CWF19L2: variants seen among roughly 807,000 people sequenced by gnomAD.
The protein encoded by CWF19L2 is CWF19-like protein 2.
Under a neutral mutation model 111.7 loss-of-function variants are expected in CWF19L2, and 98 were observed. The observed-to-expected ratio is 0.88, with a 90% CI of 0.75 to 1.04. The LOEUF is 1.04. Ranked by LOEUF, CWF19L2 falls within the 50% of genes least tolerant of loss-of-function variation. CWF19L2 has a pLI of 0.00. For missense variants in CWF19L2, 1,101 were observed against 1,051.4 expected (o/e 1.05, Z -0.65); for synonymous variants, 351 against 342.9 (o/e 1.02, Z -0.26).
At chr11:107,329,885 A>G in intron 17 of CWF19L2, 33 bp downstream of exon 17, 1 of 1,455,726 alleles carries the variant, frequency 6.9e-7, no homozygotes, top group Non-Finnish European at 9.3e-7. Context: ...CCAAATTGCT[A>G]ACTCTGGGAT....
intron 10 of CWF19L2, among the ~76,000 whole-genome samples, chr11:107,401,474 C>T (rs537096929): frequency 5.3e-5 from 8 of 151,742 alleles, no homozygotes; most frequent in African/African-American, 1.5e-4. Context: ...ACAATAGCTG[C>T]AAAAATAAAA....
At chr11:107,362,989 G>A (rs547388698) in intron 12 of CWF19L2, among the ~76,000 whole-genome samples, 1 of 152,154 alleles carries the variant, frequency 6.6e-6, no homozygotes, top group Admixed American at 6.5e-5. Flanking sequence ...GGAGCTGATG[G>A]AGCTGAAAAC....
chr11:107,454,927 T>C (rs893691327), intron 2 of CWF19L2, among the ~76,000 whole-genome samples: 1 of 152,058 alleles, frequency 6.6e-6, no homozygotes, highest in South Asian at 2.1e-4. Flanking sequence ...AATATCCCTC[T>C]ATGGTCTCCC....
At chr11:107,371,278 C>T (rs978972896) in intron 12 of CWF19L2, among the ~76,000 whole-genome samples, 1 of 137,568 alleles carries the variant, frequency 7.3e-6, no homozygotes, top group Non-Finnish European at 1.6e-5. Flanking sequence ...GCTGGGATTA[C>T]AGGCGTGAGC....
At chr11:107,431,138 C>T (rs1345294351) in intron 7 of CWF19L2, among the ~76,000 whole-genome samples, 2 of 151,930 alleles carry the variant, frequency 1.3e-5, no homozygotes, top group Non-Finnish European at 2.9e-5. Flanking sequence ...GCAATACCAG[C>T]TTCCAATCCT....
At chr11:107,405,098 T>C (rs2135388298) in intron 10 of CWF19L2, among the ~76,000 whole-genome samples, 1 of 152,356 alleles carries the variant, frequency 6.6e-6, no homozygotes, top group Middle Eastern at 3.4e-3. Flanking sequence ...GTCTTTATAT[T>C]GTTAAATGGC....
rs759943655 is a variant in CWF19L2, at chr11:107,428,925, G to A, written c.1307C>T (p.Ser436Leu). 52 of 1,613,466 alleles carry A rather than the reference G, an allele frequency of 3.2e-5. No homozygotes were observed. The highest frequency in any genetic ancestry group is 3.3e-4 in the Middle Eastern group (2 of 6,084). The change falls in exon 8 of 18, where the codon TCG becomes TTG. Residue 436 changes from serine to leucine, a missense_variant. By Grantham distance (145) the Ser-to-Leu change is moderately radical. Coordinates refer to ENST00000282251, the MANE Select transcript of CWF19L2 (RefSeq NM_152434.3). Reference sequence around the variant, plus strand: ...TTGGTGTTCATCAGTACTGGTTTCCGATGGCTTTTGATTTGAATGTTTCTT... The same window carrying A: ...TTGGTGTTCATCAGTACTGGTTTCCAATGGCTTTTGATTTGAATGTTTCTT... ...GDKKHSNQKP[S>L]ETSTDEHQHV...
intron 13 of CWF19L2, among the ~76,000 whole-genome samples, chr11:107,349,826 T>C (rs990131637): frequency 6.6e-6 from 1 of 151,996 alleles, no homozygotes; most frequent in Non-Finnish European, 1.5e-5. Context: ...GATATCTACC[T>C]AAAATTACAG....
chr11:107,344,805 G>A (rs1860054212), intron 14 of CWF19L2, among the ~76,000 whole-genome samples: 1 of 152,130 alleles, frequency 6.6e-6, no homozygotes, highest in Admixed American at 6.5e-5. Flanking sequence ...TAAGAGACTG[G>A]ATCTTGTTTA....
At chr11:107,434,090 TAGG>T (rs973393779) in intron 6 of CWF19L2, among the ~76,000 whole-genome samples, 40 of 151,488 alleles carry the variant, frequency 2.6e-4, no homozygotes, top group African/African-American at 9.4e-4. Context: ...CTCTAGAAAG[TAGG>T]AGGTCAGGGA....
chr11:107,431,386 T>TATGCATAATAACTGCAC (rs1861463712), intron 7 of CWF19L2, among the ~76,000 whole-genome samples: 1 of 151,978 alleles, frequency 6.6e-6, no homozygotes, highest in Admixed American at 6.6e-5. Flanking sequence ...CTCAATGGCA[T>TATGCATAATAACTGCAC]ATGCATAATA....
chr11:107,434,054 C>T (rs1208398667), intron 6 of CWF19L2, among the ~76,000 whole-genome samples: 2 of 150,778 alleles, frequency 1.3e-5, no homozygotes, highest in African/African-American at 2.4e-5. Flanking sequence ...AATAATGTGA[C>T]CGCTACTATA....
At chr11:107,405,557 C>CA (rs551948433) in intron 10 of CWF19L2, among the ~76,000 whole-genome samples, 1,899 of 91,338 alleles carry the variant, frequency 0.021, 15 homozygotes, top group Non-Finnish European at 0.029. Flanking sequence ...GATGAACTAA[C>CA]AAAAAAAACA....
intron 6 of CWF19L2, among the ~76,000 whole-genome samples, chr11:107,436,742 C>G (rs1312584416): frequency 1.3e-5 from 2 of 152,112 alleles, no homozygotes; most frequent in African/African-American, 4.8e-5. Context: ...TAAAAATAGT[C>G]TTCCACTAAA....
chr11:107,397,756 C>A (rs773570911), intron 10 of CWF19L2, among the ~76,000 whole-genome samples: 1 of 152,176 alleles, frequency 6.6e-6, no homozygotes, highest in Non-Finnish European at 1.5e-5. Flanking sequence ...AGAACCCTCA[C>A]GGAGTTCACT....
At chr11:107,375,509 T>A (rs1450147154) in intron 12 of CWF19L2, among the ~76,000 whole-genome samples, 2 of 137,948 alleles carry the variant, frequency 1.4e-5, no homozygotes, top group Non-Finnish European at 3.1e-5. Context: ...AACAACCTGC[T>A]CCTGAATGAC....
intron 10 of CWF19L2, among the ~76,000 whole-genome samples, chr11:107,402,873 G>GTGTGTATGTATATATA (rs1247886311): frequency 1.1e-5 from 1 of 94,462 alleles, no homozygotes; most frequent in Admixed American, 1.2e-4. Context: ...ACTGTGGTGT[G>GTGTGTATGTATATATA]TATATATATA....
Position 107,373,996 on chromosome 11 carries a change from G to A in CWF19L2, c.1872+16078C>T, listed in dbSNP as rs1231023172. On this transcript the variant is annotated intron_variant, in intron 12 of 17. Coordinates refer to ENST00000282251, the MANE Select transcript of CWF19L2 (RefSeq NM_152434.3). ...ATGCAGAAGCCTCAGGAGCTGATGC[G>A]ATCAACTGGAAGAAAGGGTATCAGC... is the stretch of plus-strand genomic sequence containing the variant. Among the ~76,000 whole-genome samples the A allele has an allele frequency of 2.9e-5, 4 of 135,792 alleles. 1 individual carries two copies. Among genetic ancestry groups the A allele is most frequent in the Admixed American group, 1.4e-4 (2 of 13,976 alleles). 89.1% of individuals were successfully genotyped at this position (135,792 alleles called of 152,430 possible).
At chr11:107,356,947 A>C (rs112709093) in intron 12 of CWF19L2, among the ~76,000 whole-genome samples, 2,661 of 152,296 alleles carry the variant, frequency 0.017, 59 homozygotes, top group African/African-American at 0.059. Flanking sequence ...CTGAGGCAGG[A>C]GAATTGCTTG....
Sources: allele counts gnomAD v4.1 joint callset (sites outside exome capture counted in the v4.1 genomes callset), GRCh38; gene constraint gnomAD v4.1.1; transcripts MANE v1.5; gene names NCBI Gene and HGNC (gene_info 2026-07-23, HGNC 2026-07-21).